RBM27: variants seen among roughly 807,000 people sequenced by gnomAD.
The protein encoded by RBM27 is RNA binding motif protein 27.
RBM27 carries 22 observed loss-of-function variants against 135.3 expected under a neutral mutation model. That is an observed-to-expected ratio of 0.16 (90% CI 0.12 to 0.23). RBM27 has a LOEUF of 0.23. Among genes scored for constraint, RBM27 ranks in the 10% least tolerant of loss-of-function variants. The pLI is 1.00. For synonymous variants in RBM27, 481 were observed against 442.4 expected (o/e 1.09, Z -1.10); for missense variants, 1,009 against 1,281.0 (o/e 0.79, Z 3.24).
chr5:146,275,758 C>T (rs1759067806), intron 19 of RBM27, among the ~76,000 whole-genome samples: 1 of 152,104 alleles, frequency 6.6e-6, no homozygotes, highest in Admixed American at 6.6e-5. Context: ...GTACTTCATC[C>T]CTGTTGAAGG....
chr5:146,257,729 G>T (rs1758171638), intron 10 of RBM27, among the ~76,000 whole-genome samples: 2 of 152,142 alleles, frequency 1.3e-5, no homozygotes, highest in South Asian at 4.1e-4. Flanking sequence ...AATCATACCA[G>T]GAGGCAAATA....
chr5:146,260,997 G>C (rs1758372386), intron 12 of RBM27, 99 bp downstream of exon 12: 5 of 1,193,860 alleles, frequency 4.2e-6, no homozygotes, highest in Middle Eastern at 2.1e-4. Context: ...TGGTTATTCT[G>C]ATCATCTCTG....
Position 146,222,956 on chromosome 5 carries a change from C to T in RBM27, c.179-447C>T, listed in dbSNP as rs184805581. ...TCTCTTACCTGTTTTATATCCACCG[C>T]GTTCCCACCTAGAGTACACAATTTT... On this transcript the variant is annotated intron_variant, in intron 2 of 20. Coordinates refer to ENST00000265271, the MANE Select transcript of RBM27 (RefSeq NM_018989.2). 3.6e-3 allele frequency among the ~76,000 whole-genome samples: 553 copies of T among 152,178 alleles called. 1 individual carries two copies. The highest frequency in any genetic ancestry group is 6.3e-3 in the Non-Finnish European group (430 of 68,008).
intron 8 of RBM27, among the ~76,000 whole-genome samples, chr5:146,238,211 TA>T (rs1480427826): frequency 2.0e-5 from 3 of 152,270 alleles, no homozygotes; most frequent in African/African-American, 7.2e-5. Context: ...TTGATTGTAA[TA>T]ATACATTTTT....
At chr5:146,217,020 G>A (rs533245947) in intron 1 of RBM27, among the ~76,000 whole-genome samples, 1 of 152,204 alleles carries the variant, frequency 6.6e-6, no homozygotes, top group South Asian at 2.1e-4. Context: ...AGGCTGGAGT[G>A]CAGTGGTGCG....
intron 8 of RBM27, among the ~76,000 whole-genome samples, chr5:146,244,908 C>T (rs543209963): frequency 6.6e-6 from 1 of 152,002 alleles, no homozygotes; most frequent in Admixed American, 6.6e-5. Flanking sequence ...GGGTCTTGCT[C>T]TGTTGCCCAG....
chr5:146,234,086 T>C (rs1414405175), intron 7 of RBM27, among the ~76,000 whole-genome samples: 1 of 152,128 alleles, frequency 6.6e-6, no homozygotes, highest in African/African-American at 2.4e-5. Flanking sequence ...CAGGTTGGTC[T>C]TGAACTCCTG....
intron 11 of RBM27, among the ~76,000 whole-genome samples, chr5:146,260,405 A>G (rs1447690863): frequency 2.6e-5 from 4 of 152,194 alleles, no homozygotes. Flanking sequence ...AATTTATTAC[A>G]TAGAGATGTG....
chr5:146,263,166 G>C (rs145473603), intron 13 of RBM27, among the ~76,000 whole-genome samples: 7 of 152,260 alleles, frequency 4.6e-5, no homozygotes, highest in Non-Finnish European at 1.0e-4. Flanking sequence ...TTATATGTGT[G>C]AGCCACTGTG....
At chr5:146,237,871 A>G (rs1229275366) in intron 8 of RBM27, among the ~76,000 whole-genome samples, 1 of 152,080 alleles carries the variant, frequency 6.6e-6, no homozygotes, top group Non-Finnish European at 1.5e-5. Flanking sequence ...TATTTTTAGT[A>G]GAGACGGGGT....
chr5:146,242,037 G>C (rs1224267319), intron 8 of RBM27, among the ~76,000 whole-genome samples: 1 of 151,940 alleles, frequency 6.6e-6, no homozygotes, highest in African/African-American at 2.4e-5. Flanking sequence ...TGTTACTCCT[G>C]CCTCAGCTTC....
At chr5:146,247,547 C>T (rs945855103) in intron 8 of RBM27, among the ~76,000 whole-genome samples, 5 of 151,768 alleles carry the variant, frequency 3.3e-5, no homozygotes, top group East Asian at 3.9e-4. Context: ...TCTCCCTTGG[C>T]GTTTATTTGT....
At chr5:146,223,196 A>C (rs929539523) in intron 2 of RBM27, among the ~76,000 whole-genome samples, 17 of 152,160 alleles carry the variant, frequency 1.1e-4, no homozygotes, top group Non-Finnish European at 2.2e-4. Flanking sequence ...ATCCTCCAAC[A>C]AATAATCTTA....
Position 146,255,008 on chromosome 5 carries a change from T to C in RBM27, c.1510T>C (p.Tyr504His). The part of the protein sequence containing the change: ...PSITSSGRSQ[Y>H]RQFFSRTQTQ... ...TATTACTAGTTCTGGTAGATCTCAG[T>C]ACAGACAGTTCTTTTCAAGAACTCA... Residue 504 changes from tyrosine to histidine, a missense_variant, in exon 10 of 21, where the codon TAC becomes CAC. Physicochemically the swap from Tyr to His is moderately conservative, Grantham distance 83. Transcript: ENST00000265271. The C allele has an allele frequency of 6.2e-7, 1 of 1,600,182 alleles. No individual in the cohort carries two copies. Among genetic ancestry groups the C allele is most frequent in the Non-Finnish European group, 8.6e-7 (1 of 1,167,354 alleles).
At position 146,233,614 on chromosome 5, in the gene RBM27, C is replaced by T; in HGVS notation, c.1015C>T (p.Pro339Ser). Reference sequence around the variant, plus strand: ...AATGTTAATGCCTCCAATGCCAGGTCCAGGCCCAGGCCCGGGCCCAGGTCC... The same window carrying T: ...AATGTTAATGCCTCCAATGCCAGGTTCAGGCCCAGGCCCGGGCCCAGGTCC... Reference protein sequence around the residue: ...PGMLMPPMPGPGPGPGPGPGP... With the variant: ...PGMLMPPMPGSGPGPGPGPGP... Residue 339 changes from proline to serine, a missense_variant, in exon 7 of 21, where the codon CCA becomes TCA. Pro to Ser is a moderately conservative substitution (Grantham distance 74). Around this residue, in one of 6 missense-constraint regions of RBM27, gnomAD observed 329 missense variants for 368.1 expected, o/e 0.89. Coordinates refer to ENST00000265271, the MANE Select transcript of RBM27 (RefSeq NM_018989.2). 1.9e-6 allele frequency: 3 copies of T among 1,603,664 alleles called. No homozygotes were observed. Among genetic ancestry groups the T allele is most frequent in the East Asian group, 2.3e-5 (1 of 44,406 alleles).
chr5:146,274,158 T>A (rs1316070609), intron 19 of RBM27, among the ~76,000 whole-genome samples: 1 of 151,660 alleles, frequency 6.6e-6, no homozygotes, highest in African/African-American at 2.4e-5. Flanking sequence ...CTAATTTTTG[T>A]ATTTTTAGTG....
chr5:146,221,879 C>G (rs1756476438), intron 2 of RBM27, among the ~76,000 whole-genome samples: 1 of 143,028 alleles, frequency 7.0e-6, no homozygotes, highest in African/African-American at 2.4e-5. Flanking sequence ...AGTGAACATA[C>G]TCTTTTATAA....
chr5:146,258,766 T>C (rs1561554140), intron 11 of RBM27, among the ~76,000 whole-genome samples, 173 bp downstream of exon 11: 1 of 150,468 alleles, frequency 6.6e-6, no homozygotes, highest in Non-Finnish European at 1.5e-5. Context: ...ACAATATTTA[T>C]AATTTTTTTT....
intron 8 of RBM27, among the ~76,000 whole-genome samples, chr5:146,249,683 CAAAAAAA>C (rs1209651197): frequency 2.2e-4 from 8 of 37,198 alleles, no homozygotes; most frequent in Non-Finnish European, 4.0e-4. Flanking sequence ...GTGAGACTCT[CAAAAAAA>C]AAAAAAAAAA....
Sources: gnomAD v4.1 joint callset for allele counts (sites outside exome capture counted in the v4.1 genomes callset) on GRCh38, gnomAD v4.1.1 for gene constraint, gnomAD v4.1.1 regional missense constraint, MANE v1.5 for transcripts, NCBI Gene and HGNC (gene_info 2026-07-23, HGNC 2026-07-21) for gene names.